CAMKMT: variants seen among roughly 807,000 people sequenced by gnomAD.
The protein encoded by CAMKMT is calmodulin-lysine N-methyltransferase, also known as CaM KMT.
Under a neutral mutation model 48.0 loss-of-function variants are expected in CAMKMT, and 53 were observed. The observed-to-expected ratio is 1.10, with a 90% CI of 0.89 to 1.39. CAMKMT has a LOEUF of 1.39. Ranked by LOEUF, CAMKMT falls within the 40% of genes most tolerant of loss-of-function variation. The pLI is 0.00. For missense variants in CAMKMT, 428 were observed against 402.7 expected (o/e 1.06, Z -0.54); for synonymous variants, 165 against 152.3 (o/e 1.08, Z -0.61).
chr2:44,490,183 G>A (rs1406199088), intron 3 of CAMKMT, among the ~76,000 whole-genome samples: 1 of 152,060 alleles, frequency 6.6e-6, no homozygotes, highest in Non-Finnish European at 1.5e-5. Flanking sequence ...CAATAGTTAG[G>A]TACTCTTGAA....
intron 3 of CAMKMT, among the ~76,000 whole-genome samples, chr2:44,674,069 C>T (rs1433756967): frequency 2.0e-5 from 3 of 152,206 alleles, no homozygotes; most frequent in Non-Finnish European, 4.4e-5. Context: ...TTAATTTCCC[C>T]TGTAATGAAA....
intron 3 of CAMKMT, among the ~76,000 whole-genome samples, chr2:44,639,475 G>C (rs139860437): frequency 6.6e-6 from 1 of 152,272 alleles, no homozygotes; most frequent in South Asian, 2.1e-4. Flanking sequence ...TAATCTATGC[G>C]CTTCAGTTTC....
chr2:44,611,928 A>T (rs1671622112), intron 3 of CAMKMT, among the ~76,000 whole-genome samples: 1 of 152,032 alleles, frequency 6.6e-6, no homozygotes, highest in African/African-American at 2.4e-5. Context: ...CACCAAAGAG[A>T]TGGTCCACGC....
At chr2:44,741,301 G>A (rs2104368628) in intron 7 of CAMKMT, among the ~76,000 whole-genome samples, 1 of 152,334 alleles carries the variant, frequency 6.6e-6, no homozygotes, top group African/African-American at 2.4e-5. Context: ...CAAGGTCACT[G>A]GAGGAGAGGA....
chr2:44,453,332 C>G (rs1278403913), intron 3 of CAMKMT, among the ~76,000 whole-genome samples: 1 of 151,944 alleles, frequency 6.6e-6, no homozygotes, highest in Non-Finnish European at 1.5e-5. Flanking sequence ...TCTATTAGCT[C>G]TAAGGTAAAA....
chr2:44,550,416 A>G (rs903064166), intron 3 of CAMKMT, among the ~76,000 whole-genome samples: 4 of 152,046 alleles, frequency 2.6e-5, no homozygotes, highest in Admixed American at 2.6e-4. Context: ...AAAGAAAGAA[A>G]AAAGACTGAC....
At chr2:44,523,939 A>G (rs1671266581) in intron 3 of CAMKMT, among the ~76,000 whole-genome samples, 1 of 151,068 alleles carries the variant, frequency 6.6e-6, no homozygotes, top group Non-Finnish European at 1.5e-5. Context: ...CACCATGCCC[A>G]GCTAATTTTG....
chr2:44,754,233 A>G, intron 9 of CAMKMT, 115 bp downstream of exon 9: 2 of 761,336 alleles, frequency 2.6e-6, no homozygotes, highest in Non-Finnish European at 4.4e-6. Flanking sequence ...TTTAATACTT[A>G]TTATGTCCAA....
chr2:44,621,272 A>AAAAAAATAAAATAAAAT (rs1335747021), intron 3 of CAMKMT, among the ~76,000 whole-genome samples: 4 of 143,390 alleles, frequency 2.8e-5, no homozygotes, highest in African/African-American at 1.2e-4. Context: ...ATCTCAAAAA[A>AAAAAAATAAAATAAAAT]AAAAAAAAAA....
chr2:44,392,721 GA>G (rs1156308345), intron 3 of CAMKMT, among the ~76,000 whole-genome samples: 1 of 151,676 alleles, frequency 6.6e-6, no homozygotes, highest in Non-Finnish European at 1.5e-5. Flanking sequence ...CAAAAAAATA[GA>G]TTTTTCCTGG....
intron 3 of CAMKMT, among the ~76,000 whole-genome samples, chr2:44,444,111 A>T (rs1277828467): frequency 6.6e-6 from 1 of 152,192 alleles, no homozygotes; most frequent in Admixed American, 6.5e-5. Flanking sequence ...GATTTATTCT[A>T]AACTTTTCTA....
At chr2:44,661,358 C>T (rs1674670904) in intron 3 of CAMKMT, among the ~76,000 whole-genome samples, 1 of 147,634 alleles carries the variant, frequency 6.8e-6, no homozygotes, top group Non-Finnish European at 1.5e-5. Context: ...CTCAGCTGCC[C>T]AGGCTGGAGT....
chr2:44,369,250 C>T (rs1325135662), intron 1 of CAMKMT, among the ~76,000 whole-genome samples: 3 of 152,116 alleles, frequency 2.0e-5, no homozygotes, highest in Non-Finnish European at 2.9e-5. Context: ...AGAGAGACTA[C>T]CTTTTCCGAT....
intron 3 of CAMKMT, among the ~76,000 whole-genome samples, chr2:44,592,836 G>A (rs1384061656): frequency 6.6e-6 from 1 of 152,084 alleles, no homozygotes; most frequent in Non-Finnish European, 1.5e-5. Flanking sequence ...TTGTGGCCTA[G>A]AATATGGTCT....
chr2:44,510,901 C>T (rs1160852806), intron 3 of CAMKMT, among the ~76,000 whole-genome samples: 2 of 151,982 alleles, frequency 1.3e-5, no homozygotes, highest in Admixed American at 6.6e-5. Flanking sequence ...AGTTTCGTGG[C>T]ATGATCTTGG....
At chr2:44,543,496 G>C (rs1667240088) in intron 3 of CAMKMT, among the ~76,000 whole-genome samples, 1 of 152,144 alleles carries the variant, frequency 6.6e-6, no homozygotes, top group Admixed American at 6.5e-5. Context: ...CCAGGATTAA[G>C]GCTACAAAGA....
chr2:44,497,709 A>AAGAGAGAGAGAGAGAGAGAGAGAG lies in CAMKMT; in HGVS notation c.376+107415_376+107438dup, dbSNP rs70937918. ...GTAATTTAAAAAAATTAAGCAGGCAAAGAGAGAGAGAGAGAGAGAGAGAGA... is the reference window on the plus strand; with the variant it reads ...GTAATTTAAAAAAATTAAGCAGGCAAAGAGAGAGAGAGAGAGAGAGAGAGAGAGAGAGAGAGAGAGAGAGAGAGA... On this transcript the variant is annotated intron_variant, in intron 3 of 10. Transcript: ENST00000378494. Among the ~76,000 whole-genome samples the AAGAGAGAGAGAGAGAGAGAGAGAG allele has an allele frequency of 2.0e-4, 28 of 138,980 alleles. 1 individual carries two copies. The highest frequency in any genetic ancestry group is 3.7e-4 in the Non-Finnish European group (24 of 64,804). The allele number at this position is 138,980 out of a possible 152,430, so 91.2% of individuals were successfully genotyped here.
chr2:44,714,047 A>G (rs1287289529), intron 6 of CAMKMT, among the ~76,000 whole-genome samples: 1 of 152,184 alleles, frequency 6.6e-6, no homozygotes, highest in African/African-American at 2.4e-5. Flanking sequence ...TTACCATGAC[A>G]CATAGAATAT....
Position 44,480,026 on chromosome 2 carries a change from A to C in CAMKMT, c.376+89721A>C, listed in dbSNP as rs573277944. On this transcript the variant is annotated intron_variant, in intron 3 of 10. Coordinates refer to ENST00000378494, the MANE Select transcript of CAMKMT (RefSeq NM_024766.5). ...ACTGCTGCTGCAATCTTGAGAAGGA[A>C]GTCCTAGTTGCTATACAAGCATAAT... 1.2e-4 allele frequency among the ~76,000 whole-genome samples: 18 copies of C among 152,280 alleles called. 1 individual carries two copies. The South Asian group carries it at 3.3e-3, about 28-fold the overall frequency.
Sources: gnomAD v4.1 joint callset for allele counts (sites outside exome capture counted in the v4.1 genomes callset) on GRCh38, gnomAD v4.1.1 for gene constraint, MANE v1.5 for transcripts, NCBI Gene and HGNC (gene_info 2026-07-23, HGNC 2026-07-21) for gene names.